NR4A3: variants seen among roughly 807,000 people sequenced by gnomAD.
NR4A3 encodes chondrosarcoma, extraskeletal myxoid, fused to EWS.
In NR4A3, 13 loss-of-function variants were observed where a neutral mutation model predicts 55.6. That is an observed-to-expected ratio of 0.23 (90% confidence interval 0.15 to 0.37). NR4A3 has a LOEUF of 0.37. NR4A3 is among the 10% of genes least tolerant of loss of function. The pLI, the probability that NR4A3 is intolerant of heterozygous loss-of-function variation, is 1.00. For missense variants in NR4A3, 646 were observed against 822.8 expected (o/e 0.79, Z 2.63); for synonymous variants, 342 against 357.9 (o/e 0.96, Z 0.50).
At chr9:99,836,827 G>C (rs1374351591) in intron 5 of NR4A3, among the ~76,000 whole-genome samples, 2 of 152,164 alleles carry the variant, frequency 1.3e-5, no homozygotes, top group Admixed American at 6.5e-5. Context: ...ATTCCCATCA[G>C]CAGTATATGA....
In NR4A3 at chr9:99,828,637, C is replaced by T; in HGVS notation, c.595C>T (p.His199Tyr). ...PLFHFKPSPPHPPAPSPAGGH... is the reference protein window; with the variant it reads ...PLFHFKPSPPYPPAPSPAGGH... ...CTTCCACTTCAAGCCCTCGCCGCCG[C>T]ATCCCCCCGCGCCCAGCCCGGCCGG... The change falls in exon 3 of 8, where the codon CAT becomes TAT. Residue 199 changes from histidine to tyrosine, a missense_variant. Transcript: ENST00000395097. The surrounding 1 kb of genome is among the most constrained non-coding windows in gnomAD (Gnocchi z 7.7). The T allele has an allele frequency of 6.8e-7, 1 of 1,469,960 alleles. No individual in the cohort carries two copies. Among genetic ancestry groups the T allele is most frequent in the Non-Finnish European group, 8.9e-7 (1 of 1,120,088 alleles). 91.1% of individuals were successfully genotyped at this position (1,469,960 alleles called of 1,614,324 possible).
chr9:99,843,534 G>T (rs1187882133), intron 5 of NR4A3, among the ~76,000 whole-genome samples: 2 of 152,112 alleles, frequency 1.3e-5, no homozygotes, highest in African/African-American at 4.8e-5. Flanking sequence ...AGACAGTTTG[G>T]TGGGCCAGGC....
chr9:99,858,672 T>A (rs1827965612), intron 7 of NR4A3, among the ~76,000 whole-genome samples: 1 of 152,226 alleles, frequency 6.6e-6, no homozygotes, highest in South Asian at 2.1e-4. Context: ...GACATCTTGT[T>A]ATAAGAGAAA....
At chr9:99,826,919 C>T (rs1827305476) in intron 2 of NR4A3, 5 of 1,016,210 alleles carry the variant, frequency 4.9e-6, no homozygotes, top group South Asian at 1.5e-5. Context: ...TCAGAAAAAC[C>T]AACCACCAAA....
At chr9:99,827,763 A>T (rs1216040361) in intron 2 of NR4A3, among the ~76,000 whole-genome samples, 1 of 152,190 alleles carries the variant, frequency 6.6e-6, no homozygotes, top group African/African-American at 2.4e-5. Context: ...AAAGACTTCA[A>T]GTTTCCCAAA....
chr9:99,827,995 CAA>C, intron 2 of NR4A3, 44 bp from the exon 3 acceptor site: 3 of 1,565,842 alleles, frequency 1.9e-6, no homozygotes, highest in Non-Finnish European at 2.6e-6. Context: ...GGCTAGAAAA[CAA>C]GTGTTAACTT....
chr9:99,855,810 A>G (rs1041226732), intron 7 of NR4A3, among the ~76,000 whole-genome samples: 1 of 152,094 alleles, frequency 6.6e-6, no homozygotes, highest in Non-Finnish European at 1.5e-5. Context: ...CCAGGGGCCC[A>G]CCTTTCCTTC....
In NR4A3 at chr9:99,863,772, C is replaced by G. The variant is rs1828047918; in HGVS notation, c.1786C>G (p.Leu596Val). The G allele has an allele frequency of 6.2e-7, 1 of 1,613,752 alleles. No homozygotes were observed. The highest frequency in any genetic ancestry group is 1.3e-5 in the African/African-American group (1 of 74,902). The change falls in exon 8 of 8, where the codon CTG becomes GTG. Residue 596 changes from leucine to valine, a missense_variant. By Grantham distance (32) the Leu-to-Val change is conservative. This residue lies in a region of NR4A3 where 1 missense variants were observed against 19.1 expected (regional missense o/e 0.05). Transcript: ENST00000395097. ...GGTAGAACTGAGGAAGATCTGCACCCTGGGCCTCCAGCGCATCTTCTACCT... is the reference window on the plus strand; with the variant it reads ...GGTAGAACTGAGGAAGATCTGCACCGTGGGCCTCCAGCGCATCTTCTACCT... ...ALVELRKICT[L>V]GLQRIFYLKL...
intron 7 of NR4A3, among the ~76,000 whole-genome samples, chr9:99,848,766 A>C (rs1170054940): frequency 6.6e-6 from 1 of 152,224 alleles, no homozygotes; most frequent in Non-Finnish European, 1.5e-5. Flanking sequence ...GGGATGGAGA[A>C]AGGCGCGTGT....
Position 99,828,391 on chromosome 9 carries a change from A to G in NR4A3, c.349A>G (p.Ile117Val). ...HHQQQHQQPS[I>V]PPASSPEDEV... The stretch of plus-strand genomic sequence containing the variant: ...CCAGCAGCAGCATCAGCAGCCATCC[A>G]TTCCTCCAGCCTCCAGCCCGGAGGA... The change falls in exon 3 of 8, where the codon ATT becomes GTT. Residue 117 changes from isoleucine (I) to valine (V), a missense_variant. Around this residue, in one of 5 missense-constraint regions of NR4A3, gnomAD observed 426 missense variants for 429.4 expected, o/e 0.99. Transcript: ENST00000395097. The surrounding 1 kb of genome is among the most constrained non-coding windows in gnomAD (Gnocchi z 7.7). The G allele has an allele frequency of 6.3e-7, 1 of 1,591,924 alleles. No homozygotes were observed. The highest frequency in any genetic ancestry group is 8.6e-7 in the Non-Finnish European group (1 of 1,168,976).
At chr9:99,830,231 GAGAAGACTCAAAT>G (rs1043109427) in intron 3 of NR4A3, among the ~76,000 whole-genome samples, 34 of 152,244 alleles carry the variant, frequency 2.2e-4, no homozygotes, top group Non-Finnish European at 5.9e-5. Context: ...GAATTAGTGA[GAGAAGACTCAAAT>G]AGAAGACCTT....
At chr9:99,838,939 GAT>G (rs770258261) in intron 5 of NR4A3, among the ~76,000 whole-genome samples, 1 of 152,198 alleles carries the variant, frequency 6.6e-6, no homozygotes, top group Non-Finnish European at 1.5e-5. Flanking sequence ...GAGCAATAGA[GAT>G]ATAAATTTTC....
chr9:99,856,677 T>C (rs1369235161), intron 7 of NR4A3, among the ~76,000 whole-genome samples: 1 of 152,252 alleles, frequency 6.6e-6, no homozygotes, highest in Non-Finnish European at 1.5e-5. Context: ...ACACTAGGTG[T>C]GGACTCAGTC....
intron 5 of NR4A3, among the ~76,000 whole-genome samples, chr9:99,838,309 C>A (rs181157459): frequency 1.3e-5 from 2 of 152,268 alleles, no homozygotes; most frequent in East Asian, 1.9e-4. Context: ...AACAGACTTG[C>A]AAATACGAGA....
intron 2 of NR4A3, chr9:99,826,936 C>CG: frequency 1.5e-6 from 1 of 665,968 alleles, no homozygotes; most frequent in Non-Finnish European, 2.6e-6. Context: ...CAAAAACCGC[C>CG]GTTTTTTACC....
At chr9:99,841,415 C>T (rs1827648602) in intron 5 of NR4A3, among the ~76,000 whole-genome samples, 2 of 152,000 alleles carry the variant, frequency 1.3e-5, no homozygotes, top group African/African-American at 4.8e-5. Flanking sequence ...CTGAACTGGA[C>T]CAGATGTTAT....
At position 99,833,332 on chromosome 9, in the gene NR4A3, C is replaced by T; in HGVS notation, c.1132C>T (p.Pro378Ser). The part of the protein sequence containing the change: ...KGRRGRLPSK[P>S]KSPLQQEPSQ... ...GAGGAGAGGTCGTCTGCCTTCCAAACCAAAGAGCCCATTACAACAGGAACC... is the reference window on the plus strand; with the variant it reads ...GAGGAGAGGTCGTCTGCCTTCCAAATCAAAGAGCCCATTACAACAGGAACC... The change falls in exon 5 of 8, where the codon CCA (proline) becomes TCA (serine). Residue 378 changes from proline (P) to serine (S), a missense_variant. Around this residue, in one of 5 missense-constraint regions of NR4A3, gnomAD observed 44 missense variants for 119.3 expected, o/e 0.37. Transcript: ENST00000395097. 3 of 1,614,048 alleles carry T rather than the reference C, an allele frequency of 1.9e-6. No individual in the cohort carries two copies. Among genetic ancestry groups the T allele is most frequent in the Non-Finnish European group, 2.5e-6 (3 of 1,179,942 alleles).
chr9:99,839,478 T>G lies in NR4A3; in HGVS notation c.1255-5171T>G, dbSNP rs530121025. On this transcript the variant is annotated intron_variant, in intron 5 of 7. Coordinates refer to ENST00000395097, the MANE Select transcript of NR4A3 (RefSeq NM_006981.4). ...TTTGAGGGGTGGTGTTTTCCATGGG[T>G]CTCACTTAATTTCCACACAAATATC... 7.2e-5 allele frequency among the ~76,000 whole-genome samples: 11 copies of G among 152,346 alleles called. No homozygotes were observed. The South Asian group carries it at 2.1e-3, about 29-fold the overall frequency.
chr9:99,836,655 G>A (rs1482900097), intron 5 of NR4A3, among the ~76,000 whole-genome samples: 1 of 152,234 alleles, frequency 6.6e-6, no homozygotes. Flanking sequence ...CTAGAGAGAG[G>A]AGGGGGGCCT....
Sources: allele counts gnomAD v4.1 joint callset (sites outside exome capture counted in the v4.1 genomes callset), GRCh38; gene constraint gnomAD v4.1.1; regional missense constraint gnomAD v4.1.1; non-coding constraint Gnocchi (gnomAD v3.1); transcripts MANE v1.5; gene names NCBI Gene and HGNC (gene_info 2026-07-23, HGNC 2026-07-21).